The following AGPAT2 variants were observed in gnomAD, a reference collection of about 807,000 sequenced individuals.
The protein encoded by AGPAT2 is 1-acylglycerol-3-phosphate O-acyltransferase 2.
Under a neutral mutation model 26.1 loss-of-function variants are expected in AGPAT2, and 18 were observed. The observed-to-expected ratio is 0.69, with a 90% CI of 0.48 to 1.02. AGPAT2 has a LOEUF of 1.02. Among genes scored for constraint, AGPAT2 ranks in the 50% least tolerant of loss-of-function variants. The probability of loss-of-function intolerance (pLI) is 0.00; values close to 1 mark genes in which losing one functional copy is unlikely to be tolerated. For synonymous variants in AGPAT2, 200 were observed against 174.2 expected (o/e 1.15, Z -1.16); for missense variants, 415 against 394.9 (o/e 1.05, Z -0.43).
At chr9:136,682,768 C>T (rs968658297) in intron 1 of AGPAT2, among the ~76,000 whole-genome samples, 8 of 152,300 alleles carry the variant, frequency 5.3e-5, no homozygotes, top group African/African-American at 1.9e-4. Context: ...AGTCCACTGG[C>T]CTCGAGCGAA....
intron 5 of AGPAT2, 136 bp from the exon 6 acceptor site, chr9:136,674,063 T>A: frequency 4.9e-6 from 4 of 817,094 alleles, no homozygotes; most frequent in Non-Finnish European, 7.1e-6. Flanking sequence ...TCCCCTGGAC[T>A]CCCTAGCCGT....
rs562718448 is a variant in AGPAT2, at chr9:136,684,174, T to C, written c.182+3002A>G. 5.8e-4 allele frequency among the ~76,000 whole-genome samples: 88 copies of C among 152,220 alleles called. 2 individuals carry two copies. Among genetic ancestry groups the C allele is most frequent in the Non-Finnish European group, 1.3e-4 (9 of 68,028 alleles). ...AGCCGGAAACTAACTGCTGTTTCCC[T>C]AGGCTGCCCATCTGGTCTCCTTTGC... On this transcript the variant is annotated intron_variant, in intron 1 of 5. Transcript: ENST00000371696.
chr9:136,681,883 C>T (rs573243895), intron 1 of AGPAT2, among the ~76,000 whole-genome samples: 100 of 152,216 alleles, frequency 6.6e-4, no homozygotes, highest in African/African-American at 2.3e-3. Flanking sequence ...AGGACACCCC[C>T]GGGAACCCAA....
chr9:136,684,858 G>A (rs952254251), intron 1 of AGPAT2, among the ~76,000 whole-genome samples: 3 of 152,200 alleles, frequency 2.0e-5, no homozygotes, highest in Admixed American at 1.3e-4. Flanking sequence ...CACCCGTGGC[G>A]TACAGCAGGA....
rs774927104 is a variant in AGPAT2 at position 136,687,338 on chromosome 9, A to G, written c.20T>C (p.Leu7Pro). MELWPCLAAALLLLLLL... is the reference protein window; with the variant it reads MELWPCPAAALLLLLLL... ...CAGCAGCAACAGCAGCGCCGCGGCCAGACACGGCCACAGCTCCATGGCCCG... is the reference window on the plus strand; with the variant it reads ...CAGCAGCAACAGCAGCGCCGCGGCCGGACACGGCCACAGCTCCATGGCCCG... Residue 7 changes from leucine to proline, a missense_variant, in exon 1 of 6, where the codon CTG becomes CCG. Transcript: ENST00000371696. 4 of 1,552,764 alleles carry G rather than the reference A, an allele frequency of 2.6e-6. No homozygotes were observed. The South Asian group carries it at 4.7e-5, about 18-fold the overall frequency.
intron 1 of AGPAT2, among the ~76,000 whole-genome samples, chr9:136,678,937 C>G (rs968824716): frequency 6.6e-6 from 1 of 152,148 alleles, no homozygotes; most frequent in Non-Finnish European, 1.5e-5. Context: ...ATTTTTGGTA[C>G]AGATGGGCTT....
In AGPAT2 at chr9:136,683,581, C is replaced by T. The variant is rs568528166; in HGVS notation, c.182+3595G>A. On this transcript the variant is annotated intron_variant, in intron 1 of 5. Transcript: ENST00000371696. Reference sequence around the variant, plus strand: ...GTGTCATCCAAGCTGCAGCACAAGGCGGGATGGGTCCATAGGGGTGCGGGG... The same window carrying T: ...GTGTCATCCAAGCTGCAGCACAAGGTGGGATGGGTCCATAGGGGTGCGGGG... 2.4e-3 allele frequency among the ~76,000 whole-genome samples: 369 copies of T among 152,304 alleles called. 1 individual carries two copies. The highest frequency in any genetic ancestry group is 8.5e-3 in the African/African-American group (355 of 41,564).
Position 136,677,405 on chromosome 9 carries a change from C to T in AGPAT2, c.316+18G>A. 6.2e-6 allele frequency: 10 copies of T among 1,613,144 alleles called. No homozygotes were observed. Among genetic ancestry groups the T allele is most frequent in the Non-Finnish European group, 8.5e-6 (10 of 1,179,932 alleles). On this transcript the variant is annotated intron_variant, in intron 2 of 5. Transcript: ENST00000371696. Reference sequence around the variant, plus strand: ...GCCCCACTCAAACCCCAGAAGCCACCCCCGAGGCCCGGCCTACCCATCATG... The same window carrying T: ...GCCCCACTCAAACCCCAGAAGCCACTCCCGAGGCCCGGCCTACCCATCATG...
At chr9:136,676,833 C>T (rs534898350) in intron 3 of AGPAT2, 128 bp downstream of exon 3, 49 of 1,309,600 alleles carry the variant, frequency 3.7e-5, no homozygotes, top group Middle Eastern at 2.2e-4. Flanking sequence ...GGCGTGGGAC[C>T]CCACCTGCGG....
chr9:136,674,817 G>A lies in AGPAT2; in HGVS notation c.589-10C>T, dbSNP rs1412802600. On this transcript the variant is annotated splice_polypyrimidine_tract_variant and intron_variant, in intron 4 of 5. Transcript: ENST00000371696. ...CGGGGACGATGGGCACCTGCAGGCA[G>A]GGAGACGCACAGCTGAGGCAGCCCT... is the stretch of plus-strand genomic sequence containing the variant. 6.5e-7 allele frequency: 1 copy of A among 1,545,066 alleles called. No individual in the cohort carries two copies. Among genetic ancestry groups the A allele is most frequent in the South Asian group, 1.2e-5 (1 of 81,562 alleles).
At position 136,676,677 on chromosome 9, in the gene AGPAT2, T is replaced by A; in HGVS notation, c.496A>T (p.Lys166Ter). 6.2e-7 allele frequency: 1 copy of A among 1,613,396 alleles called. No individual in the cohort carries two copies. Among genetic ancestry groups the A allele is most frequent in the East Asian group, 2.2e-5 (1 of 44,868 alleles). ...LGERMVRENL[K>*]VWIYPEGTRN... ...GTACCCTCGGGATAGATCCACACTT[T>A]GAGCTGCAGGGAGAGGAGAGCCTGG... Residue 166 changes from lysine to a stop codon, truncating the protein, a stop_gained, in exon 4 of 6, where the codon AAA becomes TAA. Coordinates refer to ENST00000371696, the MANE Select transcript of AGPAT2 (RefSeq NM_006412.4). LOFTEE classifies it high-confidence loss of function.
At chr9:136,687,016 A>T (rs1846230310) in intron 1 of AGPAT2, among the ~76,000 whole-genome samples, 160 bp downstream of exon 1, 2 of 151,732 alleles carry the variant, frequency 1.3e-5, no homozygotes, top group African/African-American at 4.8e-5. Flanking sequence ...TGACTCCGGG[A>T]CCCCCTCCTG....
chr9:136,683,957 C>T (rs1846191920), intron 1 of AGPAT2, among the ~76,000 whole-genome samples: 2 of 152,242 alleles, frequency 1.3e-5, no homozygotes, highest in East Asian at 1.9e-4. Context: ...TCTCCCCACA[C>T]TGGGCGTGTG....
chr9:136,683,002 C>T (rs1846180607), intron 1 of AGPAT2, among the ~76,000 whole-genome samples: 1 of 130,740 alleles, frequency 7.6e-6, no homozygotes. Context: ...CGGAGACACC[C>T]GGGGCACCAT....
chr9:136,674,067 T>C (rs1308350417), intron 5 of AGPAT2, 140 bp from the exon 6 acceptor site: 1 of 787,832 alleles, frequency 1.3e-6, no homozygotes, highest in African/African-American at 1.8e-5. Flanking sequence ...CTGGACTCCC[T>C]AGCCGTGGTG....
rs1439424427 is a variant in AGPAT2, at chr9:136,675,386, GGGA to G, written c.589-582_589-580del. Among the ~76,000 whole-genome samples the G allele has an allele frequency of 1.3e-3, 129 of 99,834 alleles. 4 individuals carry two copies. Among genetic ancestry groups the G allele is most frequent in the African/African-American group, 3.8e-3 (113 of 29,874 alleles). The allele number at this position is 99,834 out of a possible 152,430, so 65.5% of individuals were successfully genotyped here. A position where few individuals can be genotyped will look rare whatever the true frequency, so the allele number is the denominator to read the frequency against. On this transcript the variant is annotated intron_variant, in intron 4 of 5. Coordinates refer to ENST00000371696, the MANE Select transcript of AGPAT2 (RefSeq NM_006412.4). ...GGGGCCAGCAGGTAGGCTGGGGACT[GGGA>G]GCAGGGAGGGAGGGGGCCAGCAGGT...
At chr9:136,677,271 G>A (rs1245450769) in intron 2 of AGPAT2, 135 bp from the exon 3 acceptor site, 11 of 1,496,436 alleles carry the variant, frequency 7.4e-6, no homozygotes, top group East Asian at 2.4e-5. Context: ...TGGCCTCCGA[G>A]CCTCTGTGTC....
chr9:136,683,459 G>C (rs973145275), intron 1 of AGPAT2, among the ~76,000 whole-genome samples: 1 of 152,180 alleles, frequency 6.6e-6, no homozygotes, highest in African/African-American at 2.4e-5. Flanking sequence ...CTTCAGCTGC[G>C]TGAGCTCATT....
At position 136,676,956 on chromosome 9, in the gene AGPAT2, C is replaced by T; in HGVS notation, c.492+5G>A. The T allele has an allele frequency of 1.3e-6, 2 of 1,591,590 alleles. No homozygotes were observed. The highest frequency in any genetic ancestry group is 1.3e-5 in the African/African-American group (1 of 74,172). ...ACCCCACCGAGCCCGGCCCTGCACACTCACGTTCTCCCTGACCATGCGCTC... is the reference window on the plus strand; with the variant it reads ...ACCCCACCGAGCCCGGCCCTGCACATTCACGTTCTCCCTGACCATGCGCTC... On this transcript the variant is annotated splice_donor_5th_base_variant and intron_variant, in intron 3 of 5. Transcript: ENST00000371696.
Sources: gnomAD v4.1 joint callset for allele counts (sites outside exome capture counted in the v4.1 genomes callset) on GRCh38, gnomAD v4.1.1 for gene constraint, MANE v1.5 for transcripts, NCBI Gene and HGNC (gene_info 2026-07-23, HGNC 2026-07-21) for gene names.